The following JAZF1 variants were observed in gnomAD, a reference collection of about 807,000 sequenced individuals.
JAZF1 encodes juxtaposed with another zinc finger protein 1.
Under a neutral mutation model 26.4 loss-of-function variants are expected in JAZF1, and 8 were observed. The observed-to-expected ratio is 0.30, with a 90% CI of 0.18 to 0.55. The LOEUF is 0.55. Among genes scored for constraint, JAZF1 ranks in the 20% least tolerant of loss-of-function variants. The pLI is 0.94. For missense variants in JAZF1, 199 were observed against 322.0 expected (o/e 0.62, Z 2.92); for synonymous variants, 126 against 122.3 (o/e 1.03, Z -0.20).
chr7:27,987,914 G>A (rs1257747471), intron 2 of JAZF1, among the ~76,000 whole-genome samples: 5 of 152,142 alleles, frequency 3.3e-5, no homozygotes, highest in South Asian at 2.1e-4. Context: ...TCTGAAACAC[G>A]TGCTGTGTCA....
At chr7:28,077,813 A>G (rs1784075237) in intron 1 of JAZF1, among the ~76,000 whole-genome samples, 1 of 152,174 alleles carries the variant, frequency 6.6e-6, no homozygotes, top group East Asian at 1.9e-4. Context: ...AAAGAGCTGG[A>G]GCTCTGGGAG....
At chr7:27,857,360 C>T (rs1002000184) in intron 3 of JAZF1, among the ~76,000 whole-genome samples, 2 of 152,208 alleles carry the variant, frequency 1.3e-5, no homozygotes, top group South Asian at 2.1e-4. Context: ...CTGCAAGTGC[C>T]GCCCACAGCC....
chr7:28,137,363 A>C (rs756440601), intron 1 of JAZF1, among the ~76,000 whole-genome samples: 3 of 152,200 alleles, frequency 2.0e-5, no homozygotes, highest in African/African-American at 4.8e-5. Context: ...GCTCAGCAAC[A>C]GCATCTTCCT....
intron 2 of JAZF1, among the ~76,000 whole-genome samples, chr7:27,902,309 A>C (rs1169018418): frequency 6.6e-6 from 1 of 152,236 alleles, no homozygotes; most frequent in African/African-American, 2.4e-5. Flanking sequence ...TAAATATCTG[A>C]AACAGAAATT....
chr7:27,887,487 C>G (rs1451566716), intron 3 of JAZF1, among the ~76,000 whole-genome samples: 1 of 152,162 alleles, frequency 6.6e-6, no homozygotes, highest in Non-Finnish European at 1.5e-5. Flanking sequence ...GCAATCTTGG[C>G]TCACTACAAC....
At chr7:28,035,501 T>G (rs1228926433) in intron 1 of JAZF1, among the ~76,000 whole-genome samples, 1 of 151,986 alleles carries the variant, frequency 6.6e-6, no homozygotes, top group Non-Finnish European at 1.5e-5. Flanking sequence ...CAGAAAATAT[T>G]TTTTCAAAAC....
intron 1 of JAZF1, among the ~76,000 whole-genome samples, chr7:28,094,670 G>A (rs1784355207): frequency 6.6e-6 from 1 of 152,302 alleles, no homozygotes; most frequent in Admixed American, 6.5e-5. Flanking sequence ...AAGGAACATG[G>A]GCAAGCAGAC....
chr7:27,932,115 C>T (rs1179023703), intron 2 of JAZF1, among the ~76,000 whole-genome samples: 2 of 151,586 alleles, frequency 1.3e-5, no homozygotes. Flanking sequence ...AAAGGAAAAG[C>T]GGGTAAAAAC....
intron 1 of JAZF1, among the ~76,000 whole-genome samples, chr7:28,068,261 C>CAG (rs1554285935): frequency 7.1e-6 from 1 of 141,092 alleles, no homozygotes; most frequent in Non-Finnish European, 1.5e-5. Context: ...GTAGTACTTT[C>CAG]AAGTGTGCCA....
chr7:28,170,096 A>G lies in JAZF1; in HGVS notation c.115+10367T>C, dbSNP rs1442040562. On this transcript the variant is annotated intron_variant, in intron 1 of 4. Transcript: ENST00000283928. ...CTCACAGTGTTTACAGTTGGGCCCCATATGTACCACTAGTCAAAAAAAAAA... is the reference window on the plus strand; with the variant it reads ...CTCACAGTGTTTACAGTTGGGCCCCGTATGTACCACTAGTCAAAAAAAAAA... 4.0e-5 allele frequency among the ~76,000 whole-genome samples: 6 copies of G among 151,824 alleles called. No individual in the cohort carries two copies. In the East Asian group the frequency reaches 9.7e-4, roughly 24 times the overall value.
At chr7:28,095,413 GC>G (rs1361312589) in intron 1 of JAZF1, among the ~76,000 whole-genome samples, 4 of 152,126 alleles carry the variant, frequency 2.6e-5, no homozygotes, top group Non-Finnish European at 5.9e-5. Context: ...AAGGAGAAGT[GC>G]CAAGTGAAGG....
chr7:27,971,316 C>G (rs62451157), intron 2 of JAZF1, among the ~76,000 whole-genome samples: 2 of 152,002 alleles, frequency 1.3e-5, no homozygotes, highest in East Asian at 3.9e-4. Flanking sequence ...GATGAGTCCA[C>G]GCTGGCTGAG....
chr7:27,860,898 C>T (rs530747622), intron 3 of JAZF1, among the ~76,000 whole-genome samples: 1 of 152,186 alleles, frequency 6.6e-6, no homozygotes, highest in South Asian at 2.1e-4. Flanking sequence ...AAGAGACAGT[C>T]TTTGGGCACC....
intron 2 of JAZF1, among the ~76,000 whole-genome samples, chr7:27,903,786 C>A (rs1048261309): frequency 6.6e-6 from 1 of 152,226 alleles, no homozygotes; most frequent in Non-Finnish European, 1.5e-5. Flanking sequence ...CTCTGCTTGG[C>A]AGATTCATCA....
chr7:27,948,451 T>G (rs1165282645), intron 2 of JAZF1, among the ~76,000 whole-genome samples: 1 of 152,154 alleles, frequency 6.6e-6, no homozygotes, highest in African/African-American at 2.4e-5. Context: ...AAGCATTATT[T>G]TTTTTCTGCA....
intron 1 of JAZF1, among the ~76,000 whole-genome samples, chr7:28,033,418 A>G (rs1276021751): frequency 1.9e-4 from 29 of 152,132 alleles, no homozygotes; most frequent in Non-Finnish European, 1.5e-5. Context: ...AGGACCCAAA[A>G]CTGGCTAGGC....
At chr7:27,848,204 T>C (rs1783063496) in intron 3 of JAZF1, among the ~76,000 whole-genome samples, 2 of 152,284 alleles carry the variant, frequency 1.3e-5, no homozygotes, top group South Asian at 4.1e-4. Context: ...CAAGGGATAT[T>C]TTTCATTTAT....
chr7:28,109,837 C>T (rs974542065), intron 1 of JAZF1, among the ~76,000 whole-genome samples: 1 of 152,082 alleles, frequency 6.6e-6, no homozygotes, highest in Non-Finnish European at 1.5e-5. Flanking sequence ...CAAACAGGGC[C>T]AACAACTGAA....
chr7:28,082,667 C>T (rs1189199732), intron 1 of JAZF1, among the ~76,000 whole-genome samples: 1 of 152,184 alleles, frequency 6.6e-6, no homozygotes, highest in Non-Finnish European at 1.5e-5. Flanking sequence ...ACATGTCCCA[C>T]CAGACACCCA....
Sources: gnomAD v4.1 joint callset for allele counts (sites outside exome capture counted in the v4.1 genomes callset) on GRCh38, gnomAD v4.1.1 for gene constraint, MANE v1.5 for transcripts, NCBI Gene and HGNC (gene_info 2026-07-23, HGNC 2026-07-21) for gene names.